DDX10: variants seen among roughly 807,000 people sequenced by gnomAD.
The protein encoded by DDX10 is probable ATP-dependent RNA helicase DDX10.
DDX10 carries 74 observed loss-of-function variants against 104.3 expected under a neutral mutation model. The observed-to-expected ratio is 0.71, with a 90% confidence interval of 0.59 to 0.86. The LOEUF (loss-of-function observed/expected upper bound fraction) is 0.86. Among genes scored for constraint, DDX10 ranks in the 40% least tolerant of loss-of-function variants. DDX10 has a pLI of 0.00. For missense variants in DDX10, 952 were observed against 1,040.0 expected (o/e 0.92, Z 1.16); for synonymous variants, 351 against 353.4 (o/e 0.99, Z 0.08).
At chr11:108,685,268 A>G (rs1368516971) in intron 6 of DDX10, among the ~76,000 whole-genome samples, 6 of 150,912 alleles carry the variant, frequency 4.0e-5, no homozygotes, top group Non-Finnish European at 5.9e-5. Flanking sequence ...GAAAAGCGCA[A>G]TATTCGGGTG....
In DDX10 at chr11:108,722,614, G is replaced by C. The variant is rs571675230; in HGVS notation, c.1500-383G>C. 2.0e-5 allele frequency among the ~76,000 whole-genome samples: 3 copies of C among 152,032 alleles called. No individual in the cohort carries two copies. In the East Asian group the frequency reaches 5.8e-4, roughly 29 times the overall value. On this transcript the variant is annotated intron_variant, in intron 12 of 17. Transcript: ENST00000322536. ...GGTACTCTCATGTAGTTAGTTAATTGGATCCTTACAGCAACTGTGAGTTAG... is the reference window on the plus strand; with the variant it reads ...GGTACTCTCATGTAGTTAGTTAATTCGATCCTTACAGCAACTGTGAGTTAG...
intron 15 of DDX10, among the ~76,000 whole-genome samples, chr11:108,846,642 A>G (rs914628666): frequency 1.3e-5 from 2 of 152,228 alleles, no homozygotes; most frequent in African/African-American, 4.8e-5. Context: ...TCCATTGTAC[A>G]TATATATGCT....
intron 13 of DDX10, among the ~76,000 whole-genome samples, chr11:108,733,344 C>T (rs2094314577): frequency 6.6e-6 from 1 of 152,042 alleles, no homozygotes; most frequent in Admixed American, 6.6e-5. Flanking sequence ...CTAACGGATG[C>T]CAGGGACTGT....
intron 16 of DDX10, among the ~76,000 whole-genome samples, chr11:108,903,304 C>T (rs1328225655): frequency 6.6e-6 from 1 of 152,108 alleles, no homozygotes; most frequent in Non-Finnish European, 1.5e-5. Context: ...TAAGTGGATT[C>T]ATGCAATATG....
rs112491630 is a variant in DDX10, at chr11:108,706,207, G to T, written c.1224-532G>T. Among the ~76,000 whole-genome samples the T allele has an allele frequency of 3.6e-3, 544 of 152,116 alleles. 1 individual carries two copies. Among genetic ancestry groups the T allele is most frequent in the African/African-American group, 0.013 (521 of 41,502 alleles). On this transcript the variant is annotated intron_variant, in intron 9 of 17. Transcript: ENST00000322536. Reference sequence around the variant, plus strand: ...CACTGATCTCAAACTCCTGACCTCGGGTTATTCACCCGCCTCGGCCTCCCA... The same window carrying T: ...CACTGATCTCAAACTCCTGACCTCGTGTTATTCACCCGCCTCGGCCTCCCA...
chr11:108,800,639 C>G (rs945448695), intron 13 of DDX10, among the ~76,000 whole-genome samples: 3 of 152,056 alleles, frequency 2.0e-5, no homozygotes, highest in South Asian at 2.1e-4. Context: ...TATAAGAAAT[C>G]AAAATCTTGT....
chr11:108,686,503 T>C (rs533324251), intron 6 of DDX10, among the ~76,000 whole-genome samples: 1 of 152,312 alleles, frequency 6.6e-6, no homozygotes, highest in South Asian at 2.1e-4. Context: ...AGCCTTTTCG[T>C]ATTGGTTGCT....
chr11:108,844,531 T>C (rs1862687254), intron 15 of DDX10, among the ~76,000 whole-genome samples: 1 of 152,224 alleles, frequency 6.6e-6, no homozygotes. Context: ...AAGGAATGTT[T>C]TCTTAAGTGG....
intron 16 of DDX10, among the ~76,000 whole-genome samples, chr11:108,905,773 T>A (rs1051626823): frequency 6.6e-6 from 1 of 152,274 alleles, no homozygotes; most frequent in South Asian, 2.1e-4. Flanking sequence ...GACTTGGTAA[T>A]TGGCTCATGG....
intron 15 of DDX10, among the ~76,000 whole-genome samples, chr11:108,842,523 A>T (rs1345794473): frequency 6.6e-6 from 1 of 152,192 alleles, no homozygotes; most frequent in Non-Finnish European, 1.5e-5. Flanking sequence ...CTTTATTTTA[A>T]TATTTGATGC....
intron 10 of DDX10, among the ~76,000 whole-genome samples, chr11:108,708,749 G>A (rs529859525): frequency 6.6e-6 from 1 of 152,090 alleles, no homozygotes; most frequent in Admixed American, 6.5e-5. Context: ...TGTATTTTTA[G>A]TAGAGATGGG....
rs1055850159 is a variant in DDX10, at chr11:108,731,289, C to T, written c.1965+7827C>T. On this transcript the variant is annotated intron_variant, in intron 13 of 17. Coordinates refer to ENST00000322536, the MANE Select transcript of DDX10 (RefSeq NM_004398.4). ...TGGTCTCAAACTCCTGACCTCAGGT[C>T]ATCCACCTGCCTCAGCCTCTCAAAG... is the stretch of plus-strand genomic sequence containing the variant. Among the ~76,000 whole-genome samples, 13 of 152,040 alleles carry T rather than the reference C, an allele frequency of 8.6e-5. No individual in the cohort carries two copies. In the South Asian group the frequency reaches 2.7e-3, roughly 32 times the overall value.
At chr11:108,796,509 G>A (rs1368852595) in intron 13 of DDX10, among the ~76,000 whole-genome samples, 2 of 152,152 alleles carry the variant, frequency 1.3e-5, no homozygotes, top group Non-Finnish European at 2.9e-5. Context: ...AATAGAATTC[G>A]ATAGCTAAAA....
In DDX10 at chr11:108,930,153, C is replaced by T. The variant is rs149309676; in HGVS notation, c.2451-10093C>T. On this transcript the variant is annotated intron_variant, in intron 17 of 17. Coordinates refer to ENST00000322536, the MANE Select transcript of DDX10 (RefSeq NM_004398.4). ...TGCCCTCAAAATCCCTTGTGCTCCA[C>T]CTATCTATCCTTCTCTTTCCGAATC... 6.6e-4 allele frequency among the ~76,000 whole-genome samples: 100 copies of T among 152,308 alleles called. No individual in the cohort carries two copies. In the East Asian group the frequency reaches 0.018, roughly 27 times the overall value.
chr11:108,766,756 C>A (rs190037458), intron 13 of DDX10, among the ~76,000 whole-genome samples: 172 of 152,236 alleles, frequency 1.1e-3, no homozygotes, highest in Middle Eastern at 6.8e-3. Context: ...GTATTTCCTG[C>A]ACCAGTGCCT....
At chr11:108,703,887 G>A (rs138895848) in intron 9 of DDX10, among the ~76,000 whole-genome samples, 378 of 152,306 alleles carry the variant, frequency 2.5e-3, no homozygotes, top group African/African-American at 8.4e-3. Flanking sequence ...TGTGTGTAAT[G>A]TAAAATAGGT....
rs11212786 is a variant in DDX10, at chr11:108,819,748, G to A, written c.1966-18698G>A. Among the ~76,000 whole-genome samples, 253 of 152,074 alleles carry A rather than the reference G, an allele frequency of 1.7e-3. 8 individuals carry two copies. In the East Asian group the frequency reaches 0.044, roughly 26 times the overall value. ...CAAGTAGCTGGGATTACAGGTGCCT[G>A]CCACCACGCCCAGCTGATCTTTGTA... On this transcript the variant is annotated intron_variant, in intron 13 of 17. Coordinates refer to ENST00000322536, the MANE Select transcript of DDX10 (RefSeq NM_004398.4).
intron 13 of DDX10, among the ~76,000 whole-genome samples, chr11:108,737,604 G>T (rs1446445261): frequency 6.6e-6 from 1 of 152,170 alleles, no homozygotes; most frequent in East Asian, 1.9e-4. Context: ...TATATAAGAA[G>T]AAATTTCTTG....
At chr11:108,693,253 G>A (rs925900768) in intron 8 of DDX10, among the ~76,000 whole-genome samples, 2 of 152,322 alleles carry the variant, frequency 1.3e-5, no homozygotes, top group South Asian at 4.1e-4. Context: ...CTGTTTGTCC[G>A]ACACAAAGCA....
Sources: allele counts gnomAD v4.1 joint callset (sites outside exome capture counted in the v4.1 genomes callset), GRCh38; gene constraint gnomAD v4.1.1; transcripts MANE v1.5; gene names NCBI Gene and HGNC (gene_info 2026-07-23, HGNC 2026-07-21).